SEC24D: variants seen among roughly 807,000 people sequenced by gnomAD.
SEC24D encodes protein transport protein Sec24D.
In SEC24D, 69 loss-of-function variants were observed where a neutral mutation model predicts 116.9. The observed-to-expected ratio is 0.59, with a 90% CI of 0.49 to 0.72. The LOEUF (loss-of-function observed/expected upper bound fraction) is 0.72. Among genes scored for constraint, SEC24D ranks in the 30% least tolerant of loss-of-function variants. The pLI, the probability that SEC24D is intolerant of heterozygous loss-of-function variation, is 0.00. For synonymous variants in SEC24D, 405 were observed against 442.8 expected (o/e 0.91, Z 1.07); for missense variants, 1,131 against 1,264.1 (o/e 0.89, Z 1.60).
intron 8 of SEC24D, among the ~76,000 whole-genome samples, chr4:118,788,836 A>T (rs1170253658): frequency 1.3e-5 from 2 of 152,212 alleles, no homozygotes; most frequent in East Asian, 3.8e-4. Flanking sequence ...CTAAAATACC[A>T]ACAAATCAAC....
intron 3 of SEC24D, among the ~76,000 whole-genome samples, chr4:118,818,763 A>G (rs920040542): frequency 6.9e-6 from 1 of 145,466 alleles, no homozygotes; most frequent in African/African-American, 2.5e-5. Context: ...ATGTTGCAAG[A>G]AAAAAAAAAA....
intron 15 of SEC24D, 149 bp downstream of exon 15, chr4:118,743,839 G>T (rs775016911): frequency 3.0e-6 from 2 of 667,216 alleles, no homozygotes; most frequent in Admixed American, 3.4e-5. Flanking sequence ...CTTATAAAAA[G>T]GACCAACGGT....
At chr4:118,820,249 C>T (rs573355773) in intron 3 of SEC24D, among the ~76,000 whole-genome samples, 15 of 148,056 alleles carry the variant, frequency 1.0e-4, no homozygotes, top group African/African-American at 3.3e-4. Flanking sequence ...GGCAAGATCT[C>T]GGCTCACTGC....
Position 118,768,228 on chromosome 4 carries a change from C to A in SEC24D, c.1125G>T (p.Gln375His). 6.2e-7 allele frequency: 1 copy of A among 1,613,874 alleles called. No homozygotes were observed. Among genetic ancestry groups the A allele is most frequent in the Non-Finnish European group, 8.5e-7 (1 of 1,179,798 alleles). The stretch of plus-strand genomic sequence containing the variant: ...GATATCTCCTTCCTCCTTCGATGAA[C>A]TGCATAAATGGGCACATGTAGGCCT... Reference protein sequence around the residue: ...RCKAYMCPFMQFIEGGRRYQC... With the variant: ...RCKAYMCPFMHFIEGGRRYQC... The change falls in exon 9 of 23, where the codon CAG becomes CAT. Residue 375 changes from glutamine to histidine, a missense_variant. Gln to His is a conservative substitution (Grantham distance 24). Transcript: ENST00000280551.
At chr4:118,781,867 G>A (rs1424921109) in intron 8 of SEC24D, among the ~76,000 whole-genome samples, 1 of 152,038 alleles carries the variant, frequency 6.6e-6, no homozygotes, top group African/African-American at 2.4e-5. Flanking sequence ...TCTTCCACTT[G>A]AAGGAATCGG....
intron 8 of SEC24D, among the ~76,000 whole-genome samples, chr4:118,769,149 C>T (rs77986092): frequency 6.6e-6 from 1 of 152,116 alleles, no homozygotes; most frequent in Non-Finnish European, 1.5e-5. Context: ...TTAGGCAAGG[C>T]GGTCGATTCT....
chr4:118,730,843 G>T (rs965102856), intron 21 of SEC24D: 13 of 156,762 alleles, frequency 8.3e-5, no homozygotes, highest in African/African-American at 1.2e-4. Context: ...ACTTATGAAA[G>T]ATTTCTACAT....
At chr4:118,724,453 AAT>A (rs1188147451) in intron 22 of SEC24D, among the ~76,000 whole-genome samples, 1 of 152,238 alleles carries the variant, frequency 6.6e-6, no homozygotes, top group African/African-American at 2.4e-5. Context: ...TCTAGAAAAA[AAT>A]AGATTTCTAG....
chr4:118,820,675 CTATAAA>C (rs1476364848), intron 3 of SEC24D, among the ~76,000 whole-genome samples: 2 of 145,982 alleles, frequency 1.4e-5, no homozygotes, highest in African/African-American at 5.0e-5. Flanking sequence ...TTTTTTTTCG[CTATAAA>C]TATAATGTTA....
intron 13 of SEC24D, among the ~76,000 whole-genome samples, chr4:118,749,570 C>T (rs1726723464): frequency 6.6e-6 from 1 of 152,176 alleles, no homozygotes; most frequent in Non-Finnish European, 1.5e-5. Flanking sequence ...GGATGAGACT[C>T]TCATCTCTGG....
chr4:118,783,724 A>G (rs1728536887), intron 8 of SEC24D, among the ~76,000 whole-genome samples: 2 of 152,254 alleles, frequency 1.3e-5, no homozygotes, highest in African/African-American at 4.8e-5. Flanking sequence ...ATACAAGTAT[A>G]AAACTGTTTC....
Position 118,739,177 on chromosome 4 carries a change from A to T in SEC24D, c.2349T>A (p.Asp783Glu). 7 of 1,613,526 alleles carry T rather than the reference A, an allele frequency of 4.3e-6. No homozygotes were observed. The highest frequency in any genetic ancestry group is 1.3e-5 in the African/African-American group (1 of 75,032). ...ACTTGGCAAAGAAGTTGATAAGAGCATCTGTCTCACAGCTCTTATAAAGAT... is the reference window on the plus strand; with the variant it reads ...ACTTGGCAAAGAAGTTGATAAGAGCTTCTGTCTCACAGCTCTTATAAAGAT... ...LADLYKSCET[D>E]ALINFFAKSA... The change falls in exon 18 of 23, where the codon GAT becomes GAA. Residue 783 changes from aspartate to glutamate, a missense_variant. Coordinates refer to ENST00000280551, the MANE Select transcript of SEC24D (RefSeq NM_014822.4).
At chr4:118,765,420 G>A (rs1378726455) in intron 9 of SEC24D, among the ~76,000 whole-genome samples, 1 of 152,210 alleles carries the variant, frequency 6.6e-6, no homozygotes, top group Non-Finnish European at 1.5e-5. Context: ...GAGGATTACT[G>A]TATTAGGGAA....
At chr4:118,820,183 T>A (rs1047459591) in intron 3 of SEC24D, among the ~76,000 whole-genome samples, 13 of 150,588 alleles carry the variant, frequency 8.6e-5, no homozygotes, top group African/African-American at 1.5e-4. Context: ...TTTAATTTTT[T>A]TTTTTTTTTT....
chr4:118,764,333 T>C (rs1727532319), intron 10 of SEC24D: 1 of 152,614 alleles, frequency 6.6e-6, no homozygotes, highest in Non-Finnish European at 1.5e-5. Flanking sequence ...CCTGCTGAGA[T>C]AGACAGTGTA....
At chr4:118,791,387 C>T (rs997497171) in intron 8 of SEC24D, among the ~76,000 whole-genome samples, 3 of 152,180 alleles carry the variant, frequency 2.0e-5, no homozygotes, top group Non-Finnish European at 4.4e-5. Context: ...CCTAGCTTTG[C>T]TATTTAGCAG....
At chr4:118,765,088 A>G (rs1727579330) in intron 9 of SEC24D, among the ~76,000 whole-genome samples, 171 bp from the exon 10 acceptor site, 1 of 152,196 alleles carries the variant, frequency 6.6e-6, no homozygotes, top group Admixed American at 6.6e-5. Context: ...CATGTCTTGG[A>G]AAAGAGGAGG....
At chr4:118,778,072 T>C (rs972340145) in intron 8 of SEC24D, among the ~76,000 whole-genome samples, 7 of 152,222 alleles carry the variant, frequency 4.6e-5, no homozygotes, top group Non-Finnish European at 1.0e-4. Context: ...TTCACTCTGA[T>C]GGTAGTTTCT....
At chr4:118,801,280 G>C (rs1020944706) in intron 7 of SEC24D, among the ~76,000 whole-genome samples, 2 of 150,930 alleles carry the variant, frequency 1.3e-5, no homozygotes, top group Non-Finnish European at 3.0e-5. Context: ...AAAAAAAATC[G>C]AACTTTTTTT....
Sources: gnomAD v4.1 joint callset for allele counts (sites outside exome capture counted in the v4.1 genomes callset) on GRCh38, gnomAD v4.1.1 for gene constraint, MANE v1.5 for transcripts, NCBI Gene and HGNC (gene_info 2026-07-23, HGNC 2026-07-21) for gene names.